Variants in TCERG1L observed in about 807,000 individuals in gnomAD.
TCERG1L encodes the protein transcription elongation regulator 1 like, also known as transcription elongation regulator 1-like protein.
Under a neutral mutation model 56.3 loss-of-function variants are expected in TCERG1L, and 37 were observed. That is an observed-to-expected ratio of 0.66 (90% CI 0.51 to 0.87). The LOEUF is 0.87. TCERG1L is among the 40% of genes least tolerant of loss of function. The pLI, the probability that TCERG1L is intolerant of heterozygous loss-of-function variation, is 0.00. For synonymous variants in TCERG1L, 324 were observed against 326.3 expected (o/e 0.99, Z 0.08); for missense variants, 799 against 774.2 (o/e 1.03, Z -0.38).
intron 4 of TCERG1L, among the ~76,000 whole-genome samples, chr10:131,190,065 A>G (rs77482326): frequency 0.044 from 6,645 of 152,284 alleles, 159 homozygotes; most frequent in Middle Eastern, 0.065. Context: ...GATCCAAATA[A>G]GTTTAATTAA....
chr10:131,262,996 T>C (rs998913953), intron 3 of TCERG1L, among the ~76,000 whole-genome samples: 1 of 152,136 alleles, frequency 6.6e-6, no homozygotes, highest in African/African-American at 2.4e-5. Flanking sequence ...TCTCATGACT[T>C]GATAGCTCAT....
At chr10:131,239,335 T>G (rs1845947129) in intron 4 of TCERG1L, among the ~76,000 whole-genome samples, 1 of 152,152 alleles carries the variant, frequency 6.6e-6, no homozygotes, top group Non-Finnish European at 1.5e-5. Flanking sequence ...GCAGAAGAGG[T>G]TGACAGCGAT....
At chr10:131,191,864 C>CAAAAAAAAAAAA (rs59816491) in intron 4 of TCERG1L, among the ~76,000 whole-genome samples, 3 of 28,702 alleles carry the variant, frequency 1.0e-4, no homozygotes, top group Non-Finnish European at 1.8e-4. Flanking sequence ...GACTCCGTCT[C>CAAAAAAAAAAAA]AAAAAAAAAA....
intron 4 of TCERG1L, among the ~76,000 whole-genome samples, chr10:131,174,543 G>A (rs959095206): frequency 3.3e-5 from 5 of 152,234 alleles, no homozygotes; most frequent in South Asian, 4.1e-4. Flanking sequence ...TCACCCGCCC[G>A]TTCCCCAGCA....
intron 6 of TCERG1L, among the ~76,000 whole-genome samples, chr10:131,155,364 G>A (rs548475279): frequency 6.1e-4 from 93 of 152,314 alleles, no homozygotes; most frequent in Middle Eastern, 6.8e-3. Context: ...ATGTCAAGCC[G>A]AGTCCACTCG....
intron 3 of TCERG1L, among the ~76,000 whole-genome samples, chr10:131,275,186 A>G (rs947544520): frequency 6.6e-6 from 1 of 152,182 alleles, no homozygotes; most frequent in Non-Finnish European, 1.5e-5. Context: ...GCTTTGGCAT[A>G]TGTCCACGGA....
In TCERG1L at chr10:131,163,132, C is replaced by T. The variant is rs1459055044; in HGVS notation, c.1024G>A (p.Gly342Arg). Residue 342 changes from glycine (G) to arginine (R), a missense_variant, in exon 6 of 12, where the codon GGA becomes AGA. Physicochemically the swap from Gly to Arg is moderately radical, Grantham distance 125. Transcript: ENST00000368642. The stretch of plus-strand genomic sequence containing the variant: ...TTTGGGGTGTCTTACCAGGGGGATC[C>T]GGGCACCGGGGTGGAGGCCACTGGC... ...NRPVASTPVP[G>R]SPWCVVWTGD... The T allele has an allele frequency of 3.2e-6, 5 of 1,575,824 alleles. No homozygotes were observed. The highest frequency in any genetic ancestry group is 1.9e-5 in the Admixed American group (1 of 54,022).
At chr10:131,301,000 G>C (rs1846756321) in intron 3 of TCERG1L, among the ~76,000 whole-genome samples, 2 of 151,972 alleles carry the variant, frequency 1.3e-5, no homozygotes, top group South Asian at 4.1e-4. Context: ...GACAAATTCT[G>C]GCATGTATGA....
In TCERG1L at chr10:131,116,920, C is replaced by T; in HGVS notation, c.1274G>A (p.Gly425Glu). Reference protein sequence around the residue: ...KTKRNRTEGCGSPKPEEAKRE... With the variant: ...KTKRNRTEGCESPKPEEAKRE... ...CTTTGCCTCCTCTGGCTTGGGACTC[C>T]CGCAGCCTTCGGTCCTTCAGGAACA... Residue 425 changes from glycine (G) to glutamate (E), a missense_variant, in exon 9 of 12, where the codon GGG (glycine) becomes GAG (glutamate). Gly to Glu is a moderately conservative substitution (Grantham distance 98, BLOSUM62 -2). Transcript: ENST00000368642. The T allele has an allele frequency of 6.2e-7, 1 of 1,608,176 alleles. No individual in the cohort carries two copies. Among genetic ancestry groups the T allele is most frequent in the Non-Finnish European group, 8.5e-7 (1 of 1,177,788 alleles).
chr10:131,248,947 C>T (rs1425537503), intron 4 of TCERG1L, among the ~76,000 whole-genome samples: 3 of 152,302 alleles, frequency 2.0e-5, no homozygotes, highest in East Asian at 3.9e-4. Flanking sequence ...AGGCCGCCCT[C>T]GGCAGGACCA....
chr10:131,285,643 T>A (rs1157694387), intron 3 of TCERG1L, among the ~76,000 whole-genome samples: 4 of 152,132 alleles, frequency 2.6e-5, no homozygotes, highest in Non-Finnish European at 5.9e-5. Flanking sequence ...CTAAACGCTG[T>A]AATAGAGATA....
chr10:131,257,034 A>AAAG (rs1245209666), intron 4 of TCERG1L, among the ~76,000 whole-genome samples: 1 of 146,692 alleles, frequency 6.8e-6, no homozygotes. Context: ...AGAAAGAAAG[A>AAAG]AAGAAAGAAA....
intron 4 of TCERG1L, among the ~76,000 whole-genome samples, chr10:131,206,481 T>C (rs1164915964): frequency 1.3e-5 from 2 of 152,186 alleles, no homozygotes; most frequent in African/African-American, 4.8e-5. Context: ...AGAGGCAGAA[T>C]AGAGGGCGTT....
At chr10:131,282,643 C>A (rs928647914) in intron 3 of TCERG1L, among the ~76,000 whole-genome samples, 1 of 130,578 alleles carries the variant, frequency 7.7e-6, no homozygotes, top group Admixed American at 7.2e-5. Context: ...CACCTCTATC[C>A]CCCCAGCACA....
chr10:131,161,146 G>A (rs746073177), intron 6 of TCERG1L: 2 of 152,200 alleles, frequency 1.3e-5, no homozygotes, highest in African/African-American at 2.4e-5. Context: ...TGGTGGTCCC[G>A]TCAGATTATA....
intron 4 of TCERG1L, among the ~76,000 whole-genome samples, chr10:131,201,451 C>T (rs945808951): frequency 6.6e-6 from 1 of 152,044 alleles, no homozygotes; most frequent in African/African-American, 2.4e-5. Context: ...TCTCGTAAGG[C>T]GCCAAAAAGG....
At chr10:131,107,480 G>T in intron 9 of TCERG1L, among the ~76,000 whole-genome samples, 1 of 152,156 alleles carries the variant, frequency 6.6e-6, no homozygotes. Context: ...TCAGGGAAGG[G>T]TGAGAGCACA....
At position 131,260,775 on chromosome 10, in the gene TCERG1L, C is replaced by A. The variant is rs11017847; in HGVS notation, c.671-331G>T. ...GTCCCTGGTGCCAGTGTGTTAAGTA[C>A]CTAATCAGAAGTGACCATGAACAGC... On this transcript the variant is annotated intron_variant, in intron 3 of 11. Transcript: ENST00000368642. This position sits in a 1 kb window ranked among gnomAD's most constrained non-coding sequence, Gnocchi z 5.8. Among the ~76,000 whole-genome samples, 6,814 of 152,212 alleles carry A rather than the reference C, an allele frequency of 0.045. 188 individuals carry two copies. Among genetic ancestry groups the A allele is most frequent in the Middle Eastern group, 0.071 (21 of 294 alleles).
chr10:131,223,610 TCA>T (rs1390916440), intron 4 of TCERG1L, among the ~76,000 whole-genome samples: 1 of 151,822 alleles, frequency 6.6e-6, no homozygotes, highest in Non-Finnish European at 1.5e-5. Flanking sequence ...ACCCACATGC[TCA>T]CACACACTGA....
Sources: gnomAD v4.1 joint callset for allele counts (sites outside exome capture counted in the v4.1 genomes callset) on GRCh38, gnomAD v4.1.1 for gene constraint, Gnocchi (gnomAD v3.1) non-coding constraint, MANE v1.5 for transcripts, NCBI Gene and HGNC (gene_info 2026-07-23, HGNC 2026-07-21) for gene names.